Variants in RSPRY1 observed in about 807,000 individuals in gnomAD.
The protein encoded by RSPRY1 is RING finger and SPRY domain-containing protein 1.
Under a neutral mutation model 73.1 loss-of-function variants are expected in RSPRY1, and 23 were observed. The ratio of observed to expected loss-of-function variants is 0.31; its 90% CI spans 0.23 to 0.45. The LOEUF is 0.45. Ranked by LOEUF, RSPRY1 falls within the 20% of genes least tolerant of loss-of-function variation. RSPRY1 has a pLI of 1.00. For missense variants in RSPRY1, 448 were observed against 698.7 expected, an observed-to-expected ratio of 0.64 and a Z score of 4.05; for synonymous variants, 226 against 251.4, an observed-to-expected ratio of 0.90 and a Z score of 0.95.
chr16:57,190,352 T>C (rs1195038501), intron 1 of RSPRY1, among the ~76,000 whole-genome samples: 2 of 152,228 alleles, frequency 1.3e-5, no homozygotes, highest in Admixed American at 1.3e-4. Context: ...AGCAACACCC[T>C]GTCTCAAATA....
intron 1 of RSPRY1, among the ~76,000 whole-genome samples, chr16:57,203,907 A>G (rs1283299800): frequency 6.6e-6 from 1 of 152,238 alleles, no homozygotes; most frequent in Non-Finnish European, 1.5e-5. Flanking sequence ...ACACTTTGCA[A>G]CAACTTGTAT....
intron 1 of RSPRY1, among the ~76,000 whole-genome samples, chr16:57,191,308 G>A (rs1227099587): frequency 6.6e-6 from 1 of 152,018 alleles, no homozygotes; most frequent in African/African-American, 2.4e-5. Flanking sequence ...CTTCATAGTT[G>A]TTCATACTTA....
intron 13 of RSPRY1, among the ~76,000 whole-genome samples, chr16:57,234,526 G>T (rs573090653): frequency 6.6e-6 from 1 of 152,340 alleles, no homozygotes; most frequent in Non-Finnish European, 1.5e-5. Flanking sequence ...ACAGTGCCTG[G>T]CACACAGTAA....
At chr16:57,208,140 T>A in intron 3 of RSPRY1, 30 bp downstream of exon 3, 1 of 1,324,848 alleles carries the variant, frequency 7.5e-7, no homozygotes, top group Non-Finnish European at 1.1e-6. Context: ...CATTACTTTA[T>A]AATGAATATA....
At chr16:57,203,126 G>A (rs1231617237) in intron 1 of RSPRY1, among the ~76,000 whole-genome samples, 6 of 151,706 alleles carry the variant, frequency 4.0e-5, no homozygotes, top group Non-Finnish European at 5.9e-5. Context: ...GTGAAACCCC[G>A]TCTCTACTAA....
chr16:57,224,977 T>C (rs1447250916), intron 10 of RSPRY1, among the ~76,000 whole-genome samples: 1 of 152,218 alleles, frequency 6.6e-6, no homozygotes, highest in Non-Finnish European at 1.5e-5. Context: ...TACATTTTAG[T>C]GGTTTTTAAG....
At chr16:57,207,995 T>A in intron 2 of RSPRY1, 63 bp from the exon 3 acceptor site, 1 of 1,026,522 alleles carries the variant, frequency 9.7e-7, no homozygotes, top group Non-Finnish European at 1.5e-6. Flanking sequence ...CCAGTTTGAA[T>A]TCTTATTTGG....
chr16:57,234,999 C>CT, intron 13 of RSPRY1, 125 bp from the exon 14 acceptor site: 1 of 647,142 alleles, frequency 1.5e-6, no homozygotes, highest in Non-Finnish European at 2.7e-6. Flanking sequence ...GTATGAAAAC[C>CT]TTACTGAACA....
intron 1 of RSPRY1, among the ~76,000 whole-genome samples, chr16:57,201,818 G>A (rs1166489594): frequency 2.0e-5 from 3 of 152,240 alleles, no homozygotes; most frequent in East Asian, 1.9e-4. Context: ...AACCAGTCAG[G>A]CGTGGCGGTG....
Position 57,234,579 on chromosome 16 carries a change from C to T in RSPRY1, c.1530-545C>T, listed in dbSNP as rs1222287711. On this transcript the variant is annotated intron_variant, in intron 13 of 14. Coordinates refer to ENST00000394420, the MANE Select transcript of RSPRY1 (RefSeq NM_133368.3). ...ATACATGCTTCATGCTTCCCTTGCCCATATATTAGGGCTGTACCTTCAGCA... is the reference window on the plus strand; with the variant it reads ...ATACATGCTTCATGCTTCCCTTGCCTATATATTAGGGCTGTACCTTCAGCA... 5.3e-5 allele frequency among the ~76,000 whole-genome samples: 8 copies of T among 152,324 alleles called. No individual in the cohort carries two copies. The South Asian group carries it at 1.0e-3, about 20-fold the overall frequency.
intron 10 of RSPRY1, among the ~76,000 whole-genome samples, chr16:57,224,639 C>G (rs545544541): frequency 7.9e-5 from 12 of 152,314 alleles, no homozygotes; most frequent in African/African-American, 2.9e-4. Context: ...TGTAGGACAT[C>G]TAGGTTGTTC....
chr16:57,200,677 C>G (rs2074560846), intron 1 of RSPRY1, among the ~76,000 whole-genome samples: 1 of 136,162 alleles, frequency 7.3e-6, no homozygotes, highest in African/African-American at 2.8e-5. Flanking sequence ...CCCCCCACCT[C>G]CCTCCCGGAC....
At chr16:57,207,615 G>T in intron 2 of RSPRY1, 2 of 456,452 alleles carry the variant, frequency 4.4e-6, no homozygotes, top group South Asian at 3.1e-5. Context: ...AAATGAAGAT[G>T]CGTATATAGG....
chr16:57,217,153 C>A, intron 8 of RSPRY1, 118 bp downstream of exon 8: 1 of 1,098,672 alleles, frequency 9.1e-7, no homozygotes, highest in Non-Finnish European at 1.4e-6. Flanking sequence ...AGGACCTCTA[C>A]TGGCAGGTTG....
intron 10 of RSPRY1, 103 bp downstream of exon 10, chr16:57,221,518 T>C (rs2075035905): frequency 8.8e-6 from 11 of 1,255,120 alleles, no homozygotes; most frequent in Non-Finnish European, 1.2e-5. Flanking sequence ...ATTTGCTCAA[T>C]AATCTTTTCT....
chr16:57,196,779 G>A (rs1304901786), intron 1 of RSPRY1, among the ~76,000 whole-genome samples: 1 of 152,050 alleles, frequency 6.6e-6, no homozygotes, highest in Non-Finnish European at 1.5e-5. Flanking sequence ...TCTCCCCCAG[G>A]TAATTTAGTT....
At chr16:57,203,931 T>C (rs2074674036) in intron 1 of RSPRY1, among the ~76,000 whole-genome samples, 2 of 152,246 alleles carry the variant, frequency 1.3e-5, no homozygotes, top group African/African-American at 4.8e-5. Flanking sequence ...TTCTGTCAGT[T>C]CTTGAGTGAG....
chr16:57,210,652 G>T (rs951340553), intron 4 of RSPRY1, among the ~76,000 whole-genome samples: 3 of 151,954 alleles, frequency 2.0e-5, no homozygotes, highest in African/African-American at 7.3e-5. Context: ...GGCAATGGTT[G>T]CAGTGAGCTG....
chr16:57,222,994 G>GTT, intron 10 of RSPRY1, among the ~76,000 whole-genome samples: 1 of 152,078 alleles, frequency 6.6e-6, no homozygotes, highest in African/African-American at 2.4e-5. Context: ...CTTAAATACT[G>GTT]TTTTTTTATC....
Sources: allele counts gnomAD v4.1 joint callset (sites outside exome capture counted in the v4.1 genomes callset), GRCh38; gene constraint gnomAD v4.1.1; transcripts MANE v1.5; gene names NCBI Gene and HGNC (gene_info 2026-07-23, HGNC 2026-07-21).